The following CEP57 variants were observed in gnomAD, a reference collection of about 807,000 sequenced individuals.
CEP57 encodes centrosomal protein of 57 kDa.
A neutral mutation model predicts 68.0 loss-of-function variants in CEP57; 40 were observed. The observed-to-expected ratio is 0.59, with a 90% CI of 0.46 to 0.77. CEP57 has a LOEUF of 0.77. Ranked by LOEUF, CEP57 falls within the 30% of genes least tolerant of loss-of-function variation. The probability of loss-of-function intolerance (pLI) is 0.00; values close to 1 mark genes in which losing one functional copy is unlikely to be tolerated. For missense variants in CEP57, 606 were observed against 580.7 expected, an observed-to-expected ratio of 1.04 and a Z score of -0.45; for synonymous variants, 219 against 198.7, an observed-to-expected ratio of 1.10 and a Z score of -0.86.
intron 3 of CEP57, 35 bp downstream of exon 3, chr11:95,813,146 A>G (rs367774561): frequency 2.2e-5 from 35 of 1,590,172 alleles, no homozygotes; most frequent in African/African-American, 1.6e-4. Flanking sequence ...TTCTATCAAA[A>G]TAAGTGTTGT....
At chr11:95,823,329 C>G (rs1341951235) in intron 8 of CEP57, 1 of 152,008 alleles carries the variant, frequency 6.6e-6, no homozygotes, top group Admixed American at 6.5e-5. Context: ...GACCCTTGAA[C>G]AACATGAGTC....
intron 2 of CEP57, among the ~76,000 whole-genome samples, chr11:95,807,337 G>T (rs1861846063): frequency 6.6e-6 from 1 of 152,160 alleles, no homozygotes; most frequent in Non-Finnish European, 1.5e-5. Flanking sequence ...CTCCTTGCCA[G>T]CAACAGAACA....
intron 10 of CEP57, among the ~76,000 whole-genome samples, chr11:95,830,190 A>T (rs536228401): frequency 6.6e-5 from 10 of 152,332 alleles, no homozygotes; most frequent in African/African-American, 2.4e-4. Flanking sequence ...TAGATGAGGT[A>T]GATGCTAAGC....
At chr11:95,795,966 G>A (rs1310428720) in intron 1 of CEP57, among the ~76,000 whole-genome samples, 1 of 152,074 alleles carries the variant, frequency 6.6e-6, no homozygotes, top group Non-Finnish European at 1.5e-5. Context: ...ACCCAGTATC[G>A]ATTTCAGCAC....
chr11:95,813,366 G>A (rs1862157142), intron 3 of CEP57, 102 bp from the exon 4 acceptor site: 2 of 1,388,120 alleles, frequency 1.4e-6, no homozygotes, highest in East Asian at 2.3e-5. Flanking sequence ...TCTGTGGAAG[G>A]TGTTTTTATT....
At chr11:95,827,484 C>T in intron 8 of CEP57, 1 of 339,544 alleles carries the variant, frequency 2.9e-6, no homozygotes. Flanking sequence ...AAAAAAATGT[C>T]ATCTGCAAAT....
At chr11:95,822,827 T>A (rs553258532) in intron 8 of CEP57, 1 of 484,038 alleles carries the variant, frequency 2.1e-6, no homozygotes, top group South Asian at 2.3e-5. Flanking sequence ...GACCCTAAGT[T>A]GAAGAAGGTG....
Position 95,829,107 on chromosome 11 carries a change from G to A in CEP57, c.1128-80G>A, listed in dbSNP as rs567697564. 4.9e-6 allele frequency: 7 copies of A among 1,435,962 alleles called. No homozygotes were observed. In the East Asian group the frequency reaches 6.8e-5, roughly 14 times the overall value. 89.0% of individuals were successfully genotyped at this position (1,435,962 alleles called of 1,614,324 possible). A position where few individuals can be genotyped will look rare whatever the true frequency, so the allele number is the denominator to read the frequency against. On this transcript the variant is annotated intron_variant, in intron 9 of 10. Transcript: ENST00000325542. ...AGTCATTTTTTAAACACATGGAGCA[G>A]TAACCCATAATGAGGTATAATAGAC... is the stretch of plus-strand genomic sequence containing the variant.
At chr11:95,794,491 G>A in intron 1 of CEP57, 4 of 368,004 alleles carry the variant, frequency 1.1e-5, no homozygotes, top group South Asian at 6.0e-5. Context: ...CTGTGTGTGT[G>A]AAATGGTATC....
At chr11:95,812,843 A>C in intron 2 of CEP57, 89 bp from the exon 3 acceptor site, 2 of 1,194,126 alleles carry the variant, frequency 1.7e-6, no homozygotes, top group Non-Finnish European at 2.5e-6. Context: ...CATCAATTTT[A>C]TTTTTTATTT....
chr11:95,815,909 C>A (rs571066022), intron 4 of CEP57, among the ~76,000 whole-genome samples: 2 of 152,248 alleles, frequency 1.3e-5, no homozygotes, highest in Non-Finnish European at 2.9e-5. Flanking sequence ...ATTTTATGTA[C>A]CCTGGCTCCA....
intron 4 of CEP57, among the ~76,000 whole-genome samples, chr11:95,815,692 G>T (rs902210062): frequency 6.6e-6 from 1 of 152,180 alleles, no homozygotes; most frequent in African/African-American, 2.4e-5. Context: ...GCTTACACCT[G>T]TAATGCCAGC....
intron 2 of CEP57, among the ~76,000 whole-genome samples, chr11:95,799,638 C>T (rs775250993): frequency 8.5e-5 from 13 of 152,106 alleles, no homozygotes; most frequent in African/African-American, 2.4e-5. Flanking sequence ...ACTATTAGTC[C>T]GGAATGAAGA....
At chr11:95,821,537 G>T (rs761950431) in intron 6 of CEP57, among the ~76,000 whole-genome samples, 1 of 152,106 alleles carries the variant, frequency 6.6e-6, no homozygotes, top group Admixed American at 6.6e-5. Context: ...TTTTTGAAAA[G>T]AATATATTTA....
chr11:95,816,103 T>A (rs1427117680), intron 4 of CEP57, among the ~76,000 whole-genome samples: 1 of 152,226 alleles, frequency 6.6e-6, no homozygotes, highest in Non-Finnish European at 1.5e-5. Context: ...GAAAGAGGTT[T>A]AATTGACTCA....
chr11:95,813,159 A>G (rs370408857), intron 3 of CEP57, 48 bp downstream of exon 3: 14 of 1,547,384 alleles, frequency 9.0e-6, no homozygotes, highest in East Asian at 2.3e-5. Context: ...AGTGTTGTGC[A>G]GTATTAAGTA....
intron 5 of CEP57, among the ~76,000 whole-genome samples, chr11:95,818,190 T>G (rs1018924656): frequency 1.3e-5 from 2 of 151,984 alleles, no homozygotes; most frequent in African/African-American, 4.8e-5. Flanking sequence ...GGCGGGTGGA[T>G]CACCTGAGGT....
At chr11:95,802,173 A>T (rs879463468) in intron 2 of CEP57, among the ~76,000 whole-genome samples, 1 of 152,176 alleles carries the variant, frequency 6.6e-6, no homozygotes, top group Non-Finnish European at 1.5e-5. Context: ...AGATAATCTG[A>T]GTTTTAAAGA....
At chr11:95,822,737 G>A in intron 8 of CEP57, 161 bp downstream of exon 8, 1 of 573,382 alleles carries the variant, frequency 1.7e-6, no homozygotes, top group South Asian at 1.7e-5. Context: ...AGGTTTTTGG[G>A]GATTAGGGAA....
Sources: gnomAD v4.1 joint callset for allele counts (sites outside exome capture counted in the v4.1 genomes callset) on GRCh38, gnomAD v4.1.1 for gene constraint, MANE v1.5 for transcripts, NCBI Gene and HGNC (gene_info 2026-07-23, HGNC 2026-07-21) for gene names.